ZNF804B: variants seen among roughly 807,000 people sequenced by gnomAD.
ZNF804B encodes zinc finger 804B.
Under a neutral mutation model 101.4 loss-of-function variants are expected in ZNF804B, and 80 were observed. The observed-to-expected ratio is 0.79, with a 90% CI of 0.66 to 0.95. The LOEUF is 0.95. Among genes scored for constraint, ZNF804B ranks in the 40% least tolerant of loss-of-function variants. ZNF804B has a pLI of 0.00. For synonymous variants in ZNF804B, 622 were observed against 558.8 expected (o/e 1.11, Z -1.59); for missense variants, 1,673 against 1,561.9 (o/e 1.07, Z -1.20).
chr7:88,932,313 A>G (rs1236406217), intron 1 of ZNF804B, among the ~76,000 whole-genome samples: 3 of 151,858 alleles, frequency 2.0e-5, no homozygotes, highest in African/African-American at 7.2e-5. Context: ...AGTACAGCTT[A>G]GACAACCTAA....
intron 2 of ZNF804B, among the ~76,000 whole-genome samples, chr7:89,282,920 A>G (rs1584103653): frequency 6.6e-6 from 1 of 152,328 alleles, no homozygotes; most frequent in Non-Finnish European, 1.5e-5. Context: ...AACTAATTTT[A>G]TAATCCTGGC....
chr7:88,836,497 A>G (rs1327868091), intron 1 of ZNF804B, among the ~76,000 whole-genome samples: 1 of 151,960 alleles, frequency 6.6e-6, no homozygotes, highest in Non-Finnish European at 1.5e-5. Context: ...ACATTCAGAT[A>G]GAGTTCTATT....
chr7:89,066,113 A>C (rs1210535876), intron 1 of ZNF804B, among the ~76,000 whole-genome samples: 1 of 152,132 alleles, frequency 6.6e-6, no homozygotes, highest in Non-Finnish European at 1.5e-5. Flanking sequence ...CACTTTACCT[A>C]AGGTTTGGTA....
At chr7:88,841,919 T>C (rs1791297691) in intron 1 of ZNF804B, among the ~76,000 whole-genome samples, 1 of 152,234 alleles carries the variant, frequency 6.6e-6, no homozygotes, top group Non-Finnish European at 1.5e-5. Flanking sequence ...ACTCGTGTAA[T>C]ACAGAATTTA....
At chr7:88,766,996 G>C (rs1789994850) in intron 1 of ZNF804B, among the ~76,000 whole-genome samples, 1 of 152,096 alleles carries the variant, frequency 6.6e-6, no homozygotes, top group East Asian at 1.9e-4. Flanking sequence ...TTTTGAAATG[G>C]ATATTGCCAG....
chr7:89,041,616 T>G (rs912997956), intron 1 of ZNF804B, among the ~76,000 whole-genome samples: 1 of 152,198 alleles, frequency 6.6e-6, no homozygotes, highest in Non-Finnish European at 1.5e-5. Context: ...TGCCTAACAC[T>G]GGGACACTGG....
intron 1 of ZNF804B, among the ~76,000 whole-genome samples, chr7:88,787,022 C>T (rs1271359585): frequency 6.6e-6 from 1 of 152,040 alleles, no homozygotes; most frequent in African/African-American, 2.4e-5. Flanking sequence ...AAAAAAGTTC[C>T]TTGAGTTTGC....
At chr7:88,859,041 T>G (rs1477225642) in intron 1 of ZNF804B, among the ~76,000 whole-genome samples, 2 of 152,108 alleles carry the variant, frequency 1.3e-5, no homozygotes, top group Non-Finnish European at 2.9e-5. Flanking sequence ...ATATTAATAT[T>G]GATATTTAAG....
rs572263108 is a variant in ZNF804B, at chr7:89,126,746, C to T, written c.109-91409C>T. Among the ~76,000 whole-genome samples the T allele has an allele frequency of 4.6e-5, 7 of 151,818 alleles. No homozygotes were observed. The East Asian group carries it at 1.4e-3, about 30-fold the overall frequency. ...AGTACGGAGATTCTTTATTTATCAACCTTTTCTGAAACTAAGCTATTTCTC... is the reference window on the plus strand; with the variant it reads ...AGTACGGAGATTCTTTATTTATCAATCTTTTCTGAAACTAAGCTATTTCTC... On this transcript the variant is annotated intron_variant, in intron 1 of 3. Coordinates refer to ENST00000333190, the MANE Select transcript of ZNF804B (RefSeq NM_181646.5).
intron 1 of ZNF804B, among the ~76,000 whole-genome samples, chr7:88,934,054 C>G (rs1792931344): frequency 6.6e-6 from 1 of 151,808 alleles, no homozygotes; most frequent in South Asian, 2.1e-4. Context: ...CGACATGGTA[C>G]TGGTATAAAA....
intron 1 of ZNF804B, among the ~76,000 whole-genome samples, chr7:88,779,813 T>C (rs908294000): frequency 1.1e-4 from 17 of 152,280 alleles, no homozygotes; most frequent in African/African-American, 3.8e-4. Context: ...GGCATTTAAA[T>C]TGTTGATTCA....
intron 2 of ZNF804B, among the ~76,000 whole-genome samples, chr7:89,255,257 C>A (rs1264873041): frequency 6.6e-6 from 1 of 152,266 alleles, no homozygotes; most frequent in African/African-American, 2.4e-5. Context: ...GAGAACAGCA[C>A]GGGAGAAACT....
At chr7:89,173,058 G>A (rs968358742) in intron 1 of ZNF804B, among the ~76,000 whole-genome samples, 1 of 152,026 alleles carries the variant, frequency 6.6e-6, no homozygotes, top group African/African-American at 2.4e-5. Flanking sequence ...GGGCCCTCCT[G>A]GGGTATGAAT....
Position 88,870,400 on chromosome 7 carries a change from A to AAAAAAAAAAAAAAAAAAG in ZNF804B, c.108+110323_108+110324insAAAAAAAAAAGAAAAAAA, listed in dbSNP as rs781332488. Among the ~76,000 whole-genome samples, 310 of 112,596 alleles carry AAAAAAAAAAAAAAAAAAG rather than the reference A, an allele frequency of 2.8e-3. 24 individuals carry two copies. The highest frequency in any genetic ancestry group is 0.011 in the African/African-American group (285 of 25,368). 73.9% of individuals were successfully genotyped at this position (112,596 alleles called of 152,430 possible). ...ACTCCGTCTCAAAAAAAAAAAAAAA[A>AAAAAAAAAAAAAAAAAAG]AAAAAAAGGTGGGTGATTGGAAAAC... On this transcript the variant is annotated intron_variant, in intron 1 of 3. Transcript: ENST00000333190.
chr7:88,965,005 G>T (rs1024893079), intron 1 of ZNF804B, among the ~76,000 whole-genome samples: 1 of 151,380 alleles, frequency 6.6e-6, no homozygotes, highest in African/African-American at 2.4e-5. Context: ...GGGTATGAGG[G>T]TTTATAACAT....
intron 2 of ZNF804B, 60 bp downstream of exon 2, chr7:89,218,355 G>T: frequency 6.3e-7 from 1 of 1,578,302 alleles, no homozygotes; most frequent in Non-Finnish European, 8.6e-7. Flanking sequence ...GAACAGAACT[G>T]TATGAATTTG....
intron 1 of ZNF804B, among the ~76,000 whole-genome samples, chr7:89,085,328 A>G (rs1172117366): frequency 1.3e-5 from 2 of 151,958 alleles, no homozygotes; most frequent in African/African-American, 4.8e-5. Flanking sequence ...AAGAAATCTA[A>G]TTTGTTGTTT....
intron 1 of ZNF804B, among the ~76,000 whole-genome samples, chr7:88,854,403 CTTTCTTT>C (rs1791500363): frequency 2.1e-5 from 3 of 141,402 alleles, no homozygotes; most frequent in African/African-American, 8.4e-5. Flanking sequence ...TTCTTTCTTT[CTTTCTTT>C]CTTCCTTTCT....
intron 2 of ZNF804B, 96 bp from the exon 3 acceptor site, chr7:89,327,248 T>C (rs77523454): frequency 3.3e-6 from 4 of 1,226,036 alleles, no homozygotes; most frequent in Non-Finnish European, 4.4e-6. Context: ...GAAAGTCACC[T>C]CTGCACTTAG....
Sources: gnomAD v4.1 joint callset for allele counts (sites outside exome capture counted in the v4.1 genomes callset) on GRCh38, gnomAD v4.1.1 for gene constraint, MANE v1.5 for transcripts, NCBI Gene and HGNC (gene_info 2026-07-23, HGNC 2026-07-21) for gene names.